PPP1R7: variants seen among roughly 807,000 people sequenced by gnomAD.
PPP1R7 encodes protein phosphatase 1 regulatory subunit 22.
In PPP1R7, 18 loss-of-function variants were observed where a neutral mutation model predicts 45.2. That is an observed-to-expected ratio of 0.40 (90% CI 0.28 to 0.59). PPP1R7 has a LOEUF of 0.59. Among genes scored for constraint, PPP1R7 ranks in the 20% least tolerant of loss-of-function variants. PPP1R7 has a pLI of 0.46. For synonymous variants in PPP1R7, 181 were observed against 183.4 expected (o/e 0.99, Z 0.11); for missense variants, 314 against 455.8 (o/e 0.69, Z 2.83).
At chr2:241,166,624 T>C (rs1465035560) in intron 8 of PPP1R7, among the ~76,000 whole-genome samples, 183 bp downstream of exon 8, 1 of 152,190 alleles carries the variant, frequency 6.6e-6, no homozygotes, top group Non-Finnish European at 1.5e-5. Context: ...TACTGAAAAG[T>C]GCAGGAGCTG....
intron 2 of PPP1R7, among the ~76,000 whole-genome samples, chr2:241,156,784 G>A (rs551906348): frequency 6.6e-6 from 1 of 152,320 alleles, no homozygotes; most frequent in African/African-American, 2.4e-5. Flanking sequence ...GAAATGTTAA[G>A]ACAGTTGAGG....
chr2:241,164,377 C>T (rs2067662315), intron 7 of PPP1R7, among the ~76,000 whole-genome samples: 1 of 152,216 alleles, frequency 6.6e-6, no homozygotes, highest in African/African-American at 2.4e-5. Context: ...CCCTGTTAGA[C>T]TTCTGCATTT....
intron 9 of PPP1R7, among the ~76,000 whole-genome samples, chr2:241,174,765 C>T (rs1022930165): frequency 6.6e-6 from 1 of 151,790 alleles, no homozygotes; most frequent in Non-Finnish European, 1.5e-5. Flanking sequence ...AGCTCCGCCT[C>T]CTGGGTTCAC....
Position 241,166,461 on chromosome 2 carries a change from T to C in PPP1R7, c.819+20T>C. The C allele has an allele frequency of 6.2e-7, 1 of 1,608,544 alleles. No individual in the cohort carries two copies. The highest frequency in any genetic ancestry group is 8.5e-7 in the Non-Finnish European group (1 of 1,175,964). On this transcript the variant is annotated intron_variant, in intron 8 of 9. Transcript: ENST00000234038. ...AACAATGTAAGACACCCACTGTCTG[T>C]CTGGGGCTGTGTGGGCGGTGGGCAC...
Position 241,176,649 on chromosome 2 carries a change from C to T in PPP1R7, c.907-5998C>T, listed in dbSNP as rs959486609. Among the ~76,000 whole-genome samples the T allele has an allele frequency of 9.9e-5, 15 of 152,074 alleles. No homozygotes were observed. The East Asian group carries it at 2.5e-3, about 26-fold the overall frequency. ...CTAATTTTTGTATTTTTAGTAGAGA[C>T]GGGGTTTTGCCATGTTGGCCAGGCT... is the stretch of plus-strand genomic sequence containing the variant. On this transcript the variant is annotated intron_variant, in intron 9 of 9. Transcript: ENST00000234038.
chr2:241,152,169 G>T (rs2067335797), intron 1 of PPP1R7, among the ~76,000 whole-genome samples: 1 of 152,230 alleles, frequency 6.6e-6, no homozygotes, highest in Non-Finnish European at 1.5e-5. Context: ...CTGCTCTTGT[G>T]CCTTTTCTAA....
At position 241,163,566 on chromosome 2, in the gene PPP1R7, C is replaced by T. The variant is rs185792906; in HGVS notation, c.714+165C>T. Among the ~76,000 whole-genome samples the T allele has an allele frequency of 2.6e-4, 40 of 152,280 alleles. 1 individual carries two copies. The East Asian group carries it at 7.7e-3, about 29-fold the overall frequency. On this transcript the variant is annotated intron_variant, in intron 7 of 9. Transcript: ENST00000234038. ...GCCATAGACTTTATACACACATGTG[C>T]CAAGCAAAAACTTGATTCTCTTTTT...
At chr2:241,174,995 T>C (rs1325385258) in intron 9 of PPP1R7, among the ~76,000 whole-genome samples, 47 of 152,126 alleles carry the variant, frequency 3.1e-4, no homozygotes, top group Admixed American at 3.1e-3. Context: ...TATTTTCTAG[T>C]AGCTTGTGAC....
At chr2:241,160,101 T>C (rs942061561) in intron 5 of PPP1R7, among the ~76,000 whole-genome samples, 1 of 152,158 alleles carries the variant, frequency 6.6e-6, no homozygotes, top group African/African-American at 2.4e-5. Context: ...ATCAGGAGCC[T>C]GTAGGCTGCC....
intron 7 of PPP1R7, among the ~76,000 whole-genome samples, chr2:241,163,921 T>C (rs2067650955): frequency 6.6e-6 from 1 of 151,768 alleles, no homozygotes; most frequent in African/African-American, 2.4e-5. Flanking sequence ...GGCCTTTCTT[T>C]TTTTTTTAAG....
At chr2:241,157,350 G>A (rs568232309) in intron 2 of PPP1R7, among the ~76,000 whole-genome samples, 2 of 152,346 alleles carry the variant, frequency 1.3e-5, no homozygotes, top group South Asian at 2.1e-4. Flanking sequence ...GCCCAGCATG[G>A]TCTAGATTCT....
intron 7 of PPP1R7, among the ~76,000 whole-genome samples, chr2:241,163,815 A>G (rs1335133685): frequency 6.6e-6 from 1 of 151,948 alleles, no homozygotes; most frequent in Non-Finnish European, 1.5e-5. Context: ...AGGTCTCACT[A>G]TGTTGCCTAG....
intron 2 of PPP1R7, among the ~76,000 whole-genome samples, 154 bp downstream of exon 2, chr2:241,153,758 C>T (rs1017598253): frequency 2.0e-5 from 3 of 152,168 alleles, no homozygotes; most frequent in African/African-American, 7.2e-5. Flanking sequence ...GGTGGATATG[C>T]TCTTTGAGGT....
At chr2:241,153,143 GGT>G (rs1350871702) in intron 1 of PPP1R7, among the ~76,000 whole-genome samples, 1 of 152,216 alleles carries the variant, frequency 6.6e-6, no homozygotes, top group Non-Finnish European at 1.5e-5. Flanking sequence ...GCACTCAGGA[GGT>G]GCTTCACTAC....
chr2:241,151,654 C>T (rs1237551940), intron 1 of PPP1R7: 1 of 444,128 alleles, frequency 2.3e-6, no homozygotes, highest in Non-Finnish European at 4.8e-6. Context: ...AGAAGCGCCT[C>T]TTCATATCCT....
chr2:241,182,502 TGGAAGGTCCCATGAGGTGCCAG>T, intron 9 of PPP1R7, 123 bp from the exon 10 acceptor site: 3 of 979,590 alleles, frequency 3.1e-6, no homozygotes, highest in Non-Finnish European at 4.5e-6. Flanking sequence ...CAAGAGGCCA[TGGAAGGTCCCATGAGGTGCCAG>T]GGAAGACCCA....
At chr2:241,150,722 G>A (rs1013286746) in intron 1 of PPP1R7, among the ~76,000 whole-genome samples, 175 bp downstream of exon 1, 2 of 152,188 alleles carry the variant, frequency 1.3e-5, no homozygotes, top group African/African-American at 4.8e-5. Flanking sequence ...GACCTCGGGG[G>A]AGCCCCGGCC....
In PPP1R7 at chr2:241,183,368, G is replaced by A; in HGVS notation, c.*545G>A. On this transcript the variant is annotated 3_prime_UTR_variant, in exon 10 of 10. Coordinates refer to ENST00000234038, the MANE Select transcript of PPP1R7 (RefSeq NM_002712.3). ...AAAGCTGACTCAGCCCTGTGTGCTT[G>A]TGTTCCTTAGAGCTCTCCTTCAAAG... 2.1e-6 allele frequency: 1 copy of A among 470,074 alleles called. No homozygotes were observed. The highest frequency in any genetic ancestry group is 1.6e-5 in the South Asian group (1 of 64,382). 29.1% of individuals were successfully genotyped at this position (470,074 alleles called of 1,614,324 possible). A position where few individuals can be genotyped will look rare whatever the true frequency, so the allele number is the denominator to read the frequency against.
chr2:241,182,937 T>C lies in PPP1R7; in HGVS notation c.*114T>C. 1 of 1,261,332 alleles carries C rather than the reference T, an allele frequency of 7.9e-7. No individual in the cohort carries two copies. Among genetic ancestry groups the C allele is most frequent in the Non-Finnish European group, 1.1e-6 (1 of 923,180 alleles). The allele number at this position is 1,261,332 out of a possible 1,614,324, so 78.1% of individuals were successfully genotyped here. ...ACTATATCAACAGTCACAAACCCAA[T>C]GGCAATAAAGGCACTGACGATAGCT... On this transcript the variant is annotated 3_prime_UTR_variant, in exon 10 of 10. Coordinates refer to ENST00000234038, the MANE Select transcript of PPP1R7 (RefSeq NM_002712.3).
Sources: gnomAD v4.1 joint callset for allele counts (sites outside exome capture counted in the v4.1 genomes callset) on GRCh38, gnomAD v4.1.1 for gene constraint, MANE v1.5 for transcripts, NCBI Gene and HGNC (gene_info 2026-07-23, HGNC 2026-07-21) for gene names.